GNB4: variants seen among roughly 807,000 people sequenced by gnomAD.
GNB4 encodes the protein G protein subunit beta 4, also known as guanine nucleotide-binding protein subunit beta-4.
In GNB4, 28 loss-of-function variants were observed where a neutral mutation model predicts 45.2. The ratio of observed to expected loss-of-function variants is 0.62; its 90% CI spans 0.46 to 0.85. The LOEUF (loss-of-function observed/expected upper bound fraction) is 0.85, where lower values mean the gene tolerates loss of function less well. Among genes scored for constraint, GNB4 ranks in the 40% least tolerant of loss-of-function variants. The pLI is 0.00. For missense variants in GNB4, 321 were observed against 425.4 expected, an observed-to-expected ratio of 0.75 and a Z score of 2.16; for synonymous variants, 132 against 143.7, an observed-to-expected ratio of 0.92 and a Z score of 0.58.
In GNB4 at chr3:179,420,760, G is replaced by A. The variant is rs540788555; in HGVS notation, c.96+129C>T. 1.5e-5 allele frequency: 10 copies of A among 685,522 alleles called. No individual in the cohort carries two copies. The South Asian group carries it at 1.6e-4, about 11-fold the overall frequency. 42.5% of individuals were successfully genotyped at this position (685,522 alleles called of 1,614,324 possible). ...TATAGCATTTGACAAATTACGAAGTGCTTTTACACAGAGATTTCATTTAAC... is the reference window on the plus strand; with the variant it reads ...TATAGCATTTGACAAATTACGAAGTACTTTTACACAGAGATTTCATTTAAC... On this transcript the variant is annotated intron_variant, in intron 3 of 9. Coordinates refer to ENST00000232564, the MANE Select transcript of GNB4 (RefSeq NM_021629.4).
the GNB4 span, among the ~76,000 whole-genome samples, chr3:179,460,966 A>G: frequency 6.6e-6 from 1 of 152,354 alleles, no homozygotes; most frequent in South Asian, 2.1e-4. Flanking sequence ...AATGGTCACC[A>G]TCGACTCAGG....
the GNB4 span, among the ~76,000 whole-genome samples, chr3:179,503,946 G>GATAA: frequency 1.3e-5 from 2 of 152,110 alleles, no homozygotes; most frequent in Non-Finnish European, 2.9e-5. Context: ...ATGGATAATA[G>GATAA]ATAAAGCTAG....
chr3:179,479,155 T>A, the GNB4 span, among the ~76,000 whole-genome samples: 1 of 152,172 alleles, frequency 6.6e-6, no homozygotes, highest in Non-Finnish European at 1.5e-5. Flanking sequence ...AGAAATGGGG[T>A]CACTGTCTTG....
upstream of GNB4, chr3:179,451,654 A>T (rs1318266057): frequency 6.6e-6 from 1 of 151,888 alleles, no homozygotes; most frequent in African/African-American, 2.4e-5. Flanking sequence ...CGCCGCGCGC[A>T]GCTTCTGCTT....
the GNB4 span, among the ~76,000 whole-genome samples, chr3:179,480,841 AT>A: frequency 0.24 from 32,031 of 136,294 alleles, 4,075 homozygotes; most frequent in African/African-American, 0.36. Context: ...AACTGATTTC[AT>A]TTTTTTTTTT....
the GNB4 span, among the ~76,000 whole-genome samples, chr3:179,474,737 C>CTTTTTTTTTTTT: frequency 5.6e-3 from 336 of 59,750 alleles, 2 homozygotes; most frequent in Middle Eastern, 0.021. Context: ...AGACTGGGTC[C>CTTTTTTTTTTTT]TTTTTTTTTT....
chr3:179,423,283 G>C (rs901268753), intron 2 of GNB4, among the ~76,000 whole-genome samples: 1 of 152,102 alleles, frequency 6.6e-6, no homozygotes, highest in African/African-American at 2.4e-5. Context: ...CAAACAGTAG[G>C]GGCAAATATG....
rs115707803 is a variant in GNB4 at position 179,410,978 on chromosome 3, G to A, written c.699+2434C>T. Among the ~76,000 whole-genome samples the A allele has an allele frequency of 4.3e-3, 661 of 152,060 alleles. 4 individuals carry two copies. Among genetic ancestry groups the A allele is most frequent in the Non-Finnish European group, 7.0e-3 (477 of 67,978 alleles). On this transcript the variant is annotated intron_variant, in intron 8 of 9. Coordinates refer to ENST00000232564, the MANE Select transcript of GNB4 (RefSeq NM_021629.4). ...ACCTAAATAGCCCCATATCTAATAC[G>A]ACATCACATTATACACTGTAAATAT...
chr3:179,472,617 G>C, the GNB4 span, among the ~76,000 whole-genome samples: 1 of 152,004 alleles, frequency 6.6e-6, no homozygotes, highest in Admixed American at 6.6e-5. Context: ...GCCTGCACCA[G>C]CCTCCCAAAG....
chr3:179,498,728 T>C, the GNB4 span, among the ~76,000 whole-genome samples: 5 of 146,310 alleles, frequency 3.4e-5, no homozygotes, highest in Non-Finnish European at 6.0e-5. Context: ...CCACCGTGTC[T>C]GGCCAGTTGG....
At chr3:179,521,598 T>A in the GNB4 span, among the ~76,000 whole-genome samples, 1 of 152,288 alleles carries the variant, frequency 6.6e-6, no homozygotes, top group South Asian at 2.1e-4. Context: ...ACGCTGCCAG[T>A]TTACACTGTT....
chr3:179,465,288 T>C, the GNB4 span: 2 of 1,485,310 alleles, frequency 1.3e-6, no homozygotes, highest in East Asian at 2.3e-5. Context: ...GTTGGCCCCA[T>C]GACAGTGGCA....
At chr3:179,468,035 A>AAATATATATATATATATATAT in the GNB4 span, among the ~76,000 whole-genome samples, 71 of 89,766 alleles carry the variant, frequency 7.9e-4, 6 homozygotes, top group South Asian at 1.4e-3. Flanking sequence ...TGTTGATAAA[A>AAATATATATATATATATATAT]ATATATATAT....
rs1447246346 is a variant in GNB4, at chr3:179,401,079, G to A, written c.*134C>T. 1.8e-6 allele frequency: 1 copy of A among 549,974 alleles called. No individual in the cohort carries two copies. Among genetic ancestry groups the A allele is most frequent in the African/African-American group, 2.0e-5 (1 of 51,156 alleles). The allele number at this position is 549,974 out of a possible 1,614,324, so 34.1% of individuals were successfully genotyped here. On this transcript the variant is annotated 3_prime_UTR_variant, in exon 10 of 10. Transcript: ENST00000232564. ...CCCACTTTTTTTTTGGTAGTTTACT[G>A]AAAGCTTGTTTTTGTAGATAATCTA...
intron 1 of GNB4, among the ~76,000 whole-genome samples, chr3:179,440,870 T>C (rs917453716): frequency 1.6e-5 from 2 of 124,998 alleles, no homozygotes; most frequent in South Asian, 2.5e-4. Context: ...TTCCTATATA[T>C]ATAGATAGAT....
chr3:179,414,797 C>A, intron 6 of GNB4, 88 bp downstream of exon 6: 1 of 1,070,432 alleles, frequency 9.3e-7, no homozygotes, highest in Non-Finnish European at 1.3e-6. Flanking sequence ...ATCCTTTAGC[C>A]AGCCGAGCAC....
At chr3:179,480,320 A>G in the GNB4 span, among the ~76,000 whole-genome samples, 3 of 152,206 alleles carry the variant, frequency 2.0e-5, no homozygotes, top group Non-Finnish European at 2.9e-5. Context: ...GGTGTTCCCA[A>G]TGGAAATGAC....
chr3:179,401,416 C>A, intron 9 of GNB4, 97 bp from the exon 10 acceptor site: 1 of 536,306 alleles, frequency 1.9e-6, no homozygotes, highest in South Asian at 4.5e-5. Flanking sequence ...AACTATCAGT[C>A]CAGTTTTCTT....
the GNB4 span, among the ~76,000 whole-genome samples, chr3:179,509,192 C>G: frequency 0.011 from 1,680 of 151,562 alleles, 61 homozygotes; most frequent in East Asian, 0.097. Context: ...CACACACACA[C>G]ACACACACAC....
Sources: allele counts gnomAD v4.1 joint callset (sites outside exome capture counted in the v4.1 genomes callset), GRCh38; gene constraint gnomAD v4.1.1; transcripts MANE v1.5; gene names NCBI Gene and HGNC (gene_info 2026-07-23, HGNC 2026-07-21).